LINGO2: variants seen among roughly 807,000 people sequenced by gnomAD.
LINGO2 encodes leucine rich repeat and Ig domain containing 2.
In LINGO2, 14 loss-of-function variants were observed where a neutral mutation model predicts 30.6. That is an observed-to-expected ratio of 0.46 (90% CI 0.30 to 0.72). The LOEUF (loss-of-function observed/expected upper bound fraction) is 0.72, where lower values mean the gene tolerates loss of function less well. Among genes scored for constraint, LINGO2 ranks in the 30% least tolerant of loss-of-function variants. LINGO2 has a pLI of 0.07. For missense variants in LINGO2, 729 were observed against 751.7 expected, an observed-to-expected ratio of 0.97 and a Z score of 0.35; for synonymous variants, 317 against 288.5, an observed-to-expected ratio of 1.10 and a Z score of -1.00.
intron 1 of LINGO2, among the ~76,000 whole-genome samples, chr9:28,655,282 C>T (rs1051923561): frequency 1.3e-5 from 2 of 151,758 alleles, no homozygotes; most frequent in African/African-American, 4.8e-5. Flanking sequence ...ACCTGTAGCC[C>T]CTTAGTTTAG....
At chr9:27,996,922 G>T (rs1039697158) in intron 5 of LINGO2, among the ~76,000 whole-genome samples, 1 of 152,038 alleles carries the variant, frequency 6.6e-6, no homozygotes, top group Non-Finnish European at 1.5e-5. Flanking sequence ...CACTTAAAGA[G>T]CCCAATAAAT....
At chr9:28,967,481 A>G in the LINGO2 span, among the ~76,000 whole-genome samples, 1 of 152,118 alleles carries the variant, frequency 6.6e-6, no homozygotes, top group African/African-American at 2.4e-5. Flanking sequence ...AGAAGAATAA[A>G]ACCAAATATG....
At chr9:28,369,837 T>C (rs568784241) in intron 3 of LINGO2, among the ~76,000 whole-genome samples, 3 of 152,208 alleles carry the variant, frequency 2.0e-5, no homozygotes, top group Non-Finnish European at 2.9e-5. Context: ...TCACCTTTAA[T>C]GATCTTTGAA....
intron 4 of LINGO2, among the ~76,000 whole-genome samples, chr9:28,143,166 A>C (rs1174880604): frequency 6.6e-6 from 1 of 152,200 alleles, no homozygotes; most frequent in African/African-American, 2.4e-5. Flanking sequence ...CTGCTACAAA[A>C]GCATTAAATT....
chr9:28,318,820 G>A (rs1824934634), intron 3 of LINGO2, among the ~76,000 whole-genome samples: 1 of 152,142 alleles, frequency 6.6e-6, no homozygotes, highest in African/African-American at 2.4e-5. Flanking sequence ...CATTTCTTGG[G>A]TGCTTTCTCT....
chr9:28,334,258 T>C (rs1825517239), intron 3 of LINGO2, among the ~76,000 whole-genome samples: 1 of 152,166 alleles, frequency 6.6e-6, no homozygotes, highest in Non-Finnish European at 1.5e-5. Context: ...AAAAAGGTAC[T>C]ATGAGTGACG....
intron 4 of LINGO2, among the ~76,000 whole-genome samples, chr9:28,165,072 C>T (rs1828389899): frequency 6.6e-6 from 1 of 152,126 alleles, no homozygotes; most frequent in South Asian, 2.1e-4. Context: ...TTCTTCCTGC[C>T]AATTAGTTTC....
intron 4 of LINGO2, among the ~76,000 whole-genome samples, chr9:28,269,360 A>G (rs1188769780): frequency 6.6e-6 from 1 of 152,102 alleles, no homozygotes; most frequent in Non-Finnish European, 1.5e-5. Flanking sequence ...TCATTTTTCT[A>G]AAGGGAACAT....
At chr9:28,074,532 T>C (rs7857347) in intron 4 of LINGO2, among the ~76,000 whole-genome samples, 138,994 of 152,172 alleles carry the variant, frequency 0.91, 63,995 homozygotes, top group East Asian at 1. Context: ...GTAATATATG[T>C]TCCTCATTAG....
At chr9:28,297,313 C>G (rs892439455) in intron 3 of LINGO2, among the ~76,000 whole-genome samples, 26 of 152,192 alleles carry the variant, frequency 1.7e-4, no homozygotes, top group African/African-American at 5.5e-4. Flanking sequence ...TGTGTATTTT[C>G]TTTTCAGCAG....
At chr9:28,741,960 T>G in the LINGO2 span, among the ~76,000 whole-genome samples, 2 of 151,654 alleles carry the variant, frequency 1.3e-5, no homozygotes, top group Non-Finnish European at 2.9e-5. Flanking sequence ...CTGCAGTCAG[T>G]TTGACAGTGA....
intron 2 of LINGO2, among the ~76,000 whole-genome samples, chr9:28,381,564 A>G (rs994658863): frequency 6.6e-5 from 10 of 152,130 alleles, no homozygotes; most frequent in African/African-American, 1.9e-4. Flanking sequence ...ATATAAAACC[A>G]TATTTGTGTC....
At chr9:28,989,509 T>A in the LINGO2 span, among the ~76,000 whole-genome samples, 1 of 152,156 alleles carries the variant, frequency 6.6e-6, no homozygotes, top group Non-Finnish European at 1.5e-5. Context: ...TAGACTAGAA[T>A]CTAGAGCCTT....
intron 1 of LINGO2, among the ~76,000 whole-genome samples, chr9:28,510,322 A>G (rs1465505104): frequency 1.3e-5 from 2 of 152,014 alleles, no homozygotes; most frequent in Non-Finnish European, 2.9e-5. Context: ...TAATACATAC[A>G]GTTGATTAAC....
intron 3 of LINGO2, among the ~76,000 whole-genome samples, chr9:28,368,328 C>T (rs571824688): frequency 6.6e-6 from 1 of 152,252 alleles, no homozygotes; most frequent in South Asian, 2.1e-4. Flanking sequence ...AGCCTTAGTG[C>T]AGCCCACAAT....
chr9:28,412,445 T>TA (rs1225932775), intron 2 of LINGO2, among the ~76,000 whole-genome samples: 1 of 151,988 alleles, frequency 6.6e-6, no homozygotes, highest in Non-Finnish European at 1.5e-5. Context: ...AAATAAAAAT[T>TA]AAAAAACATG....
chr9:28,775,827 T>C, the LINGO2 span, among the ~76,000 whole-genome samples: 1 of 152,230 alleles, frequency 6.6e-6, no homozygotes, highest in Non-Finnish European at 1.5e-5. Flanking sequence ...CTTTGTTCGT[T>C]CACTCTTTGT....
intron 2 of LINGO2, among the ~76,000 whole-genome samples, chr9:28,383,339 C>T (rs1821435959): frequency 6.6e-6 from 1 of 151,234 alleles, no homozygotes; most frequent in African/African-American, 2.4e-5. Context: ...TATATAGTCC[C>T]TCTCTATCTG....
the LINGO2 span, among the ~76,000 whole-genome samples, chr9:28,725,081 G>A: frequency 1.7e-4 from 26 of 151,944 alleles, no homozygotes; most frequent in South Asian, 1.9e-3. Flanking sequence ...AATTCAGAGC[G>A]TATTTTTTAA....
Sources: gnomAD v4.1 joint callset for allele counts (sites outside exome capture counted in the v4.1 genomes callset) on GRCh38, gnomAD v4.1.1 for gene constraint, MANE v1.5 for transcripts, NCBI Gene and HGNC (gene_info 2026-07-23, HGNC 2026-07-21) for gene names.